JAK3: variants seen among roughly 807,000 people sequenced by gnomAD.
The protein encoded by JAK3 is Janus kinase 3.
JAK3 carries 88 observed loss-of-function variants against 120.8 expected under a neutral mutation model. That is an observed-to-expected ratio of 0.73 (90% CI 0.61 to 0.87). JAK3 has a LOEUF of 0.87. JAK3 is among the 40% of genes least tolerant of loss of function. The probability of loss-of-function intolerance (pLI) is 0.00; values close to 1 mark genes in which losing one functional copy is unlikely to be tolerated. For synonymous variants in JAK3, 592 were observed against 628.6 expected (o/e 0.94, Z 0.87); for missense variants, 1,254 against 1,501.4 (o/e 0.84, Z 2.72).
At position 17,835,749 on chromosome 19, in the gene JAK3, C is replaced by A. The variant is rs78158485; in HGVS notation, c.1914+175G>T. ...CCTCGTCATTCACCACACGCCCTGACATCCAAGAATGACTTGTTCTCTTCT... is the reference window on the plus strand; with the variant it reads ...CCTCGTCATTCACCACACGCCCTGAAATCCAAGAATGACTTGTTCTCTTCT... On this transcript the variant is annotated intron_variant, in intron 14 of 23. Coordinates refer to ENST00000458235, the MANE Select transcript of JAK3 (RefSeq NM_000215.4). 1.8e-3 allele frequency among the ~76,000 whole-genome samples: 267 copies of A among 152,334 alleles called. 5 individuals carry two copies. The East Asian group carries it at 0.031, about 18-fold the overall frequency.
rs1337463903 is a variant in JAK3, at chr19:17,838,049, G to A, written c.1584C>T (p.Gly528=). 6.2e-7 allele frequency: 1 copy of A among 1,614,126 alleles called. No individual in the cohort carries two copies. Among genetic ancestry groups the A allele is most frequent in the Non-Finnish European group, 8.5e-7 (1 of 1,180,028 alleles). ...ADSLEWHENL[G]HGSFTKIYRG... ...GGTAAATCTTGGTGAAGGACCCATGGCCCAGGTTCTCATGCTGAATGGTGA... is the reference window on the plus strand; with the variant it reads ...GGTAAATCTTGGTGAAGGACCCATGACCCAGGTTCTCATGCTGAATGGTGA... Residue 528 remains glycine, a synonymous_variant, in exon 12 of 24, where the codon GGC becomes GGT. Coordinates refer to ENST00000458235, the MANE Select transcript of JAK3 (RefSeq NM_000215.4).
intron 13 of JAK3, chr19:17,836,923 TG>T (rs1331875080): frequency 1.5e-6 from 1 of 682,470 alleles, no homozygotes; most frequent in Non-Finnish European, 2.7e-6. Flanking sequence ...CAGGTCATTC[TG>T]GGGCTGGATA....
rs553728859 is a variant in JAK3, at chr19:17,834,978, C to A, written c.2073G>T (p.Val691=). The A allele has an allele frequency of 2.5e-6, 4 of 1,614,046 alleles. No homozygotes were observed. The African/African-American group carries it at 5.3e-5, about 22-fold the overall frequency. Residue 691 remains valine, a synonymous_variant, in exon 16 of 24, where the codon GTG becomes GTT. Coordinates refer to ENST00000458235, the MANE Select transcript of JAK3 (RefSeq NM_000215.4). ...LEMLTDRIPW[V]APECLREAQT... is the part of the protein sequence containing the mutation. ...GCGCCTCCCGGAGACACTCGGGGGC[C>A]ACCCAGGGGATCCTGTCGGTGAGCA...
At chr19:17,847,636 GC>G (rs2094255140) in intron 1 of JAK3, among the ~76,000 whole-genome samples, 1 of 151,974 alleles carries the variant, frequency 6.6e-6, no homozygotes, top group East Asian at 1.9e-4. Flanking sequence ...TGGGAACTCC[GC>G]CCCCCAATCC....
At chr19:17,830,843 G>A (rs2094212637) in intron 21 of JAK3, among the ~76,000 whole-genome samples, 1 of 113,216 alleles carries the variant, frequency 8.8e-6, no homozygotes, top group Non-Finnish European at 1.8e-5. Context: ...GCAGCACGGA[G>A]GGGCGGAGAT....
chr19:17,847,845 G>T, intron 1 of JAK3, 101 bp downstream of exon 1: 1 of 474,978 alleles, frequency 2.1e-6, no homozygotes, highest in Non-Finnish European at 2.8e-6. Flanking sequence ...AGGCGAGCTA[G>T]CCTTTGCCCT....
chr19:17,839,763 C>T (rs555488807), intron 9 of JAK3, 100 bp from the exon 10 acceptor site: 283 of 959,298 alleles, frequency 3.0e-4, no homozygotes, highest in Non-Finnish European at 3.9e-4. Flanking sequence ...TTTTTGGAGA[C>T]GGAGTCTGGC....
Position 17,825,623 on chromosome 19 carries a change from C to T in JAK3, c.*1120G>A, listed in dbSNP as rs576153243. The T allele has an allele frequency of 8.3e-5, 15 of 181,498 alleles. No individual in the cohort carries two copies. The highest frequency in any genetic ancestry group is 2.5e-4 in the Admixed American group (4 of 15,906). 11.2% of individuals were successfully genotyped at this position (181,498 alleles called of 1,614,324 possible). On this transcript the variant is annotated 3_prime_UTR_variant, in exon 24 of 24. Coordinates refer to ENST00000458235, the MANE Select transcript of JAK3 (RefSeq NM_000215.4). Reference sequence around the variant, plus strand: ...CATACATTTAAAGCTACATGAGGGCCGGGCGCAGTGGCTCATGCCTGTAAT... The same window carrying T: ...CATACATTTAAAGCTACATGAGGGCTGGGCGCAGTGGCTCATGCCTGTAAT...
chr19:17,832,436 A>C lies in JAK3; in HGVS notation c.2680+83T>G. ...CAATAATCACGTTCCCAGCCTACCT[A>C]AAGTGGCCTGGCAGGAGGGTAAGAA... is the stretch of plus-strand genomic sequence containing the variant. On this transcript the variant is annotated intron_variant, in intron 19 of 23. Coordinates refer to ENST00000458235, the MANE Select transcript of JAK3 (RefSeq NM_000215.4). This position sits in a 1 kb window ranked among gnomAD's most constrained non-coding sequence, Gnocchi z 4.7. 2 of 1,358,738 alleles carry C rather than the reference A, an allele frequency of 1.5e-6. No homozygotes were observed. Among genetic ancestry groups the C allele is most frequent in the Non-Finnish European group, 2.1e-6 (2 of 949,094 alleles). 84.2% of individuals were successfully genotyped at this position (1,358,738 alleles called of 1,614,324 possible). A position where few individuals can be genotyped will look rare whatever the true frequency, so the allele number is the denominator to read the frequency against.
At chr19:17,830,060 G>A (rs1433058328) in intron 23 of JAK3, 48 bp downstream of exon 23, 16 of 1,402,672 alleles carry the variant, frequency 1.1e-5, no homozygotes, top group Middle Eastern at 1.7e-4. Context: ...CCGAGACCCC[G>A]GCCCAATCTA....
intron 2 of JAK3, 129 bp downstream of exon 2, chr19:17,844,105 A>G: frequency 8.2e-7 from 1 of 1,215,940 alleles, no homozygotes; most frequent in Non-Finnish European, 1.2e-6. Context: ...CTCCATTACA[A>G]AACTCCTACT....
rs3213412 is a variant in JAK3 at position 17,828,944 on chromosome 19, C to T, written c.3207+1164G>A. Among the ~76,000 whole-genome samples the T allele has an allele frequency of 9.3e-3, 1,419 of 152,076 alleles. 6 individuals carry two copies. The highest frequency in any genetic ancestry group is 0.013 in the Non-Finnish European group (904 of 67,984). ...CCGAGGCAGGAGGATCACTTGACCC[C>T]ACGAGCTCAAGACCAGCCTAGGCAA... On this transcript the variant is annotated intron_variant, in intron 23 of 23. Transcript: ENST00000458235.
chr19:17,840,131 ATTC>A (rs2094234538), intron 9 of JAK3, 96 bp downstream of exon 9: 1 of 828,706 alleles, frequency 1.2e-6, no homozygotes, highest in Non-Finnish European at 2.0e-6. Context: ...TTTCCCTCCT[ATTC>A]TTCAGGAACC....
chr19:17,839,736 T>TTA, intron 9 of JAK3, 73 bp from the exon 10 acceptor site: 41 of 1,270,922 alleles, frequency 3.2e-5, no homozygotes, highest in Non-Finnish European at 4.1e-5. Flanking sequence ...TTCCTTTTTT[T>TTA]TCTTTTTTTT....
intron 8 of JAK3, among the ~76,000 whole-genome samples, chr19:17,840,774 G>A (rs7257428): frequency 0.041 from 6,227 of 150,372 alleles, 445 homozygotes; most frequent in African/African-American, 0.15. Flanking sequence ...AAAAAAAAAA[G>A]AAAAAAGAAA....
chr19:17,837,261 C>T (rs200918656), intron 12 of JAK3, 48 bp from the exon 13 acceptor site: 179 of 1,449,464 alleles, frequency 1.2e-4, no homozygotes, highest in Non-Finnish European at 1.6e-4. Context: ...TCTTCCACTC[C>T]AATAATCCCA....
At chr19:17,836,151 A>C in intron 13 of JAK3, 100 bp from the exon 14 acceptor site, 119 of 1,391,012 alleles carry the variant, frequency 8.6e-5, no homozygotes, top group Non-Finnish European at 1.1e-4. Context: ...TCAAACTCTC[A>C]TCTCTGTCTG....
chr19:17,847,720 T>G (rs1338624370), intron 1 of JAK3, among the ~76,000 whole-genome samples: 3 of 144,112 alleles, frequency 2.1e-5, no homozygotes, highest in Non-Finnish European at 3.0e-5. Flanking sequence ...CTCCTCCAGG[T>G]CCGCAAGGCA....
At position 17,835,169 on chromosome 19, in the gene JAK3, A is replaced by G. The variant is rs1199967941; in HGVS notation, c.1961T>C (p.Leu654Pro). The G allele has an allele frequency of 6.2e-7, 1 of 1,614,060 alleles. No homozygotes were observed. The highest frequency in any genetic ancestry group is 1.3e-5 in the African/African-American group (1 of 74,932). Residue 654 changes from leucine to proline, a missense_variant, in exon 15 of 24, where the codon CTC becomes CCC. This residue lies in a region of JAK3 where 630 missense variants were observed against 819.8 expected (regional missense o/e 0.77). Transcript: ENST00000458235. ...CCCATCAGCCCCCTCCCGAGCCAGG[A>G]GCACCTTCCGGGCAGAGACATTGCC... is the stretch of plus-strand genomic sequence containing the variant. ...PHGNVSARKV[L>P]LAREGADGSP...
Sources: allele counts gnomAD v4.1 joint callset (sites outside exome capture counted in the v4.1 genomes callset), GRCh38; gene constraint gnomAD v4.1.1; regional missense constraint gnomAD v4.1.1; non-coding constraint Gnocchi (gnomAD v3.1); transcripts MANE v1.5; gene names NCBI Gene and HGNC (gene_info 2026-07-23, HGNC 2026-07-21).